PGPEP1L: variants seen among roughly 807,000 people sequenced by gnomAD.
PGPEP1L encodes the protein pyroglutamyl-peptidase I like.
A neutral mutation model predicts 6.0 loss-of-function variants in PGPEP1L; 7 were observed. The observed-to-expected ratio is 1.17, with a 90% CI of 0.66 to 2.19. The LOEUF is 2.19. PGPEP1L is among the 30% of genes most tolerant of loss of function. The pLI is 0.00. For missense variants in PGPEP1L, 209 were observed against 192.5 expected, an observed-to-expected ratio of 1.09 and a Z score of -0.51; for synonymous variants, 103 against 83.9, an observed-to-expected ratio of 1.23 and a Z score of -1.24.
At chr15:98,988,826 CCAGA>C (rs1351088786) in intron 2 of PGPEP1L, among the ~76,000 whole-genome samples, 8 of 152,312 alleles carry the variant, frequency 5.3e-5, no homozygotes, top group Non-Finnish European at 7.4e-5. Flanking sequence ...CCAGCAATAC[CCAGA>C]CAAACAGGGT....
chr15:98,985,366 T>G (rs2017733044), intron 2 of PGPEP1L, among the ~76,000 whole-genome samples: 1 of 152,022 alleles, frequency 6.6e-6, no homozygotes, highest in Non-Finnish European at 1.5e-5. Flanking sequence ...TGGTGAAACC[T>G]CATCTCTACT....
chr15:99,000,963 C>T (rs1356721345), intron 2 of PGPEP1L, among the ~76,000 whole-genome samples: 5 of 152,110 alleles, frequency 3.3e-5, no homozygotes, highest in African/African-American at 1.2e-4. Context: ...CCACAAAGGT[C>T]TCCAGTTTCA....
intron 2 of PGPEP1L, among the ~76,000 whole-genome samples, chr15:98,980,122 T>C (rs537953277): frequency 4.6e-5 from 7 of 152,024 alleles, no homozygotes; most frequent in Non-Finnish European, 8.8e-5. Context: ...ATCTCACAAA[T>C]CACCACTAAA....
rs964206492 is a variant in PGPEP1L, at chr15:98,968,272, C to G, written c.*206G>C. 7.4e-5 allele frequency: 44 copies of G among 592,574 alleles called. No individual in the cohort carries two copies. The highest frequency in any genetic ancestry group is 4.5e-4 in the Middle Eastern group (1 of 2,216). The allele number at this position is 592,574 out of a possible 1,614,324, so 36.7% of individuals were successfully genotyped here. On this transcript the variant is annotated 3_prime_UTR_variant, in exon 5 of 5. Coordinates refer to ENST00000535714, the MANE Select transcript of PGPEP1L (RefSeq NM_001167902.2). ...ATTGTCATGAAAACCATAACTGAAG[C>G]TAGTTCATCCCCTGTGAAATGTCCA... is the stretch of plus-strand genomic sequence containing the variant.
intron 1 of PGPEP1L, 107 bp from the exon 2 acceptor site, chr15:99,005,763 C>T (rs1567246205): frequency 6.6e-6 from 1 of 152,490 alleles, no homozygotes; most frequent in East Asian, 1.9e-4. Flanking sequence ...GTCTGGGTCA[C>T]TTTGTTGTTC....
intron 2 of PGPEP1L, among the ~76,000 whole-genome samples, chr15:98,975,336 G>T (rs1370386401): frequency 6.6e-6 from 1 of 152,208 alleles, no homozygotes; most frequent in African/African-American, 2.4e-5. Context: ...GAACGGGAGG[G>T]AAGTATGAAA....
intron 3 of PGPEP1L, 41 bp from the exon 4 acceptor site, chr15:98,969,692 A>G (rs1367549555): frequency 3.1e-6 from 5 of 1,590,440 alleles, no homozygotes; most frequent in Middle Eastern, 1.8e-4. Context: ...CAGGAAAACG[A>G]GGCCCACCCT....
chr15:98,994,286 T>C (rs1555472315), intron 2 of PGPEP1L, among the ~76,000 whole-genome samples: 6 of 152,012 alleles, frequency 3.9e-5, no homozygotes, highest in Non-Finnish European at 8.8e-5. Context: ...AACCTTAAAC[T>C]TTGATTATCC....
chr15:99,006,987 C>T (rs782685618), intron 1 of PGPEP1L, among the ~76,000 whole-genome samples: 3 of 152,170 alleles, frequency 2.0e-5, no homozygotes, highest in Non-Finnish European at 4.4e-5. Flanking sequence ...AGCAGGACCA[C>T]GTGGCTCCAT....
chr15:98,976,571 G>A (rs78146221), intron 2 of PGPEP1L, among the ~76,000 whole-genome samples: 1,745 of 152,266 alleles, frequency 0.011, 45 homozygotes, highest in African/African-American at 0.04. Context: ...AATCATTATG[G>A]ATGGCAATTA....
chr15:98,968,333 A>ACC lies in PGPEP1L; in HGVS notation c.*143_*144dup. 1 of 756,206 alleles carries ACC rather than the reference A, an allele frequency of 1.3e-6. No homozygotes were observed. 46.8% of individuals were successfully genotyped at this position (756,206 alleles called of 1,614,324 possible). On this transcript the variant is annotated 3_prime_UTR_variant, in exon 5 of 5. Transcript: ENST00000535714. ...TGTTCTTTCTCCTGACAATAAAATAACCCTTTGTGATTTTGTTGGGCTAAT... is the reference window on the plus strand; with the variant it reads ...TGTTCTTTCTCCTGACAATAAAATAACCCCCTTTGTGATTTTGTTGGGCTAAT...
At chr15:98,971,193 A>ATT in intron 2 of PGPEP1L, 35 bp from the exon 3 acceptor site, 2 of 400,430 alleles carry the variant, frequency 5.0e-6, no homozygotes, top group Admixed American at 6.4e-5. Context: ...GCCTCAGTTG[A>ATT]TGGGGGGGGG....
At chr15:98,997,398 GAATA>G (rs1266447671) in intron 2 of PGPEP1L, among the ~76,000 whole-genome samples, 1 of 152,166 alleles carries the variant, frequency 6.6e-6, no homozygotes, top group Non-Finnish European at 1.5e-5. Context: ...AAAAAACTCA[GAATA>G]AAGACCTCAC....
At chr15:98,975,329 C>T (rs541906880) in intron 2 of PGPEP1L, among the ~76,000 whole-genome samples, 27 of 151,764 alleles carry the variant, frequency 1.8e-4, no homozygotes, top group Admixed American at 9.2e-4. Flanking sequence ...AAGGGATGAA[C>T]GGGAGGGAAG....
At chr15:98,991,163 A>G (rs577124789) in intron 2 of PGPEP1L, among the ~76,000 whole-genome samples, 4 of 152,288 alleles carry the variant, frequency 2.6e-5, no homozygotes, top group Admixed American at 2.0e-4. Context: ...AAAAAAATCA[A>G]TGAATCCAGG....
chr15:99,006,552 G>A (rs1555473654), intron 1 of PGPEP1L, among the ~76,000 whole-genome samples: 1 of 152,252 alleles, frequency 6.6e-6, no homozygotes, highest in African/African-American at 2.4e-5. Flanking sequence ...CTTTTGGCCA[G>A]GTGCACTGGC....
At chr15:98,984,019 T>TAA (rs1567238530) in intron 2 of PGPEP1L, among the ~76,000 whole-genome samples, 4 of 139,242 alleles carry the variant, frequency 2.9e-5, no homozygotes, top group Non-Finnish European at 6.0e-5. Flanking sequence ...CTTTTTTTTT[T>TAA]TTTTTTTTTT....
At chr15:98,984,460 A>G (rs1432347499) in intron 2 of PGPEP1L, among the ~76,000 whole-genome samples, 1 of 152,128 alleles carries the variant, frequency 6.6e-6, no homozygotes, top group Non-Finnish European at 1.5e-5. Flanking sequence ...AGATGGGGAT[A>G]TGTTACACAG....
rs574493255 is a variant in PGPEP1L, at chr15:98,971,852, T to C, written c.-141-694A>G. Among the ~76,000 whole-genome samples the C allele has an allele frequency of 2.3e-4, 35 of 151,880 alleles. 1 individual carries two copies. In the South Asian group the frequency reaches 6.6e-3, roughly 29 times the overall value. On this transcript the variant is annotated intron_variant, in intron 2 of 4. Coordinates refer to ENST00000535714, the MANE Select transcript of PGPEP1L (RefSeq NM_001167902.2). The stretch of plus-strand genomic sequence containing the variant: ...ATAATTACTACAGTTGGTTGAGAGA[T>C]AGGCAACATAAAAAGATAAAACTGA...
Sources: gnomAD v4.1 joint callset for allele counts (sites outside exome capture counted in the v4.1 genomes callset) on GRCh38, gnomAD v4.1.1 for gene constraint, MANE v1.5 for transcripts, NCBI Gene and HGNC (gene_info 2026-07-23, HGNC 2026-07-21) for gene names.